RYR2: variants seen among roughly 807,000 people sequenced by gnomAD.
The protein encoded by RYR2 is cardiac muscle ryanodine receptor-calcium release channel.
A neutral mutation model predicts 601.1 loss-of-function variants in RYR2; 227 were observed. The observed-to-expected ratio is 0.38, with a 90% CI of 0.34 to 0.42. The LOEUF is 0.42. RYR2 is among the 10% of genes least tolerant of loss of function. RYR2 has a pLI of 1.00. For missense variants in RYR2, 4,646 were observed against 6,156.5 expected, an observed-to-expected ratio of 0.75 and a Z score of 8.21; for synonymous variants, 2,223 against 2,175.1, an observed-to-expected ratio of 1.02 and a Z score of -0.61.
chr1:237,452,223 ATATATTATGTAG>A (rs1658258522), intron 14 of RYR2, among the ~76,000 whole-genome samples: 1 of 146,652 alleles, frequency 6.8e-6, no homozygotes, highest in South Asian at 2.1e-4. Context: ...GTTATAATGG[ATATATTATGTAG>A]TATATTATAA....
intron 37 of RYR2, among the ~76,000 whole-genome samples, chr1:237,616,919 G>A (rs747459973): frequency 6.6e-6 from 1 of 152,128 alleles, no homozygotes; most frequent in Non-Finnish European, 1.5e-5. Flanking sequence ...AAAACCATCA[G>A]ATCTTGTGAG....
intron 2 of RYR2, among the ~76,000 whole-genome samples, chr1:237,302,300 ATGGCTT>A (rs1693433113): frequency 1.3e-5 from 2 of 152,188 alleles, no homozygotes; most frequent in African/African-American, 2.4e-5. Flanking sequence ...CATCACCTTA[ATGGCTT>A]AACATAAGTC....
chr1:237,266,439 G>A (rs2149331485), intron 1 of RYR2, among the ~76,000 whole-genome samples: 1 of 152,098 alleles, frequency 6.6e-6, no homozygotes, highest in South Asian at 2.1e-4. Context: ...TATTACATAT[G>A]GATAATCATA....
chr1:237,106,800 A>G lies in RYR2; in HGVS notation c.48+64231A>G, dbSNP rs1037526993. 2.6e-5 allele frequency among the ~76,000 whole-genome samples: 4 copies of G among 152,146 alleles called. No homozygotes were observed. Among genetic ancestry groups the G allele is most frequent in the Non-Finnish European group, 5.9e-5 (4 of 68,030 alleles). ...GAAGCCCAAGATCAGAGTGCCAGCA[A>G]TTTGGTGTCTGGTGAAGGCTCGCTT... On this transcript the variant is annotated intron_variant, in intron 1 of 104. Transcript: ENST00000366574. The surrounding 1 kb of genome is among the most constrained non-coding windows in gnomAD (Gnocchi z 4.4).
intron 63 of RYR2, among the ~76,000 whole-genome samples, chr1:237,694,157 G>A (rs1043077449): frequency 6.6e-6 from 1 of 152,006 alleles, no homozygotes; most frequent in African/African-American, 2.4e-5. Flanking sequence ...AGCCGGGCGT[G>A]GTGGCAGGCG....
intron 1 of RYR2, among the ~76,000 whole-genome samples, chr1:237,085,210 G>A (rs1353009156): frequency 6.6e-6 from 1 of 152,150 alleles, no homozygotes; most frequent in Non-Finnish European, 1.5e-5. Flanking sequence ...GGATATTAGG[G>A]TAGTGTTTAC....
chr1:237,797,144 G>A (rs1659352992), intron 96 of RYR2, among the ~76,000 whole-genome samples: 1 of 152,012 alleles, frequency 6.6e-6, no homozygotes, highest in Non-Finnish European at 1.5e-5. Flanking sequence ...GCCAAGAAGA[G>A]CTGTATCCCA....
chr1:237,434,988 C>T (rs1381427654), intron 12 of RYR2, among the ~76,000 whole-genome samples: 1 of 152,136 alleles, frequency 6.6e-6, no homozygotes, highest in Non-Finnish European at 1.5e-5. Flanking sequence ...GTTGCCCAGG[C>T]TGGTCTTGAA....
intron 1 of RYR2, among the ~76,000 whole-genome samples, chr1:237,163,013 T>C (rs1317357907): frequency 6.6e-6 from 1 of 152,192 alleles, no homozygotes; most frequent in Admixed American, 6.5e-5. Flanking sequence ...CAGTGCTATT[T>C]GATATTATAG....
intron 66 of RYR2, among the ~76,000 whole-genome samples, chr1:237,703,612 T>G (rs2797438): frequency 1.4e-5 from 2 of 147,790 alleles, no homozygotes; most frequent in African/African-American, 4.9e-5. Context: ...AACATATATA[T>G]ATATATAAAA....
intron 34 of RYR2, among the ~76,000 whole-genome samples, chr1:237,596,582 C>A (rs1268894268): frequency 6.6e-6 from 1 of 152,100 alleles, no homozygotes; most frequent in Admixed American, 6.5e-5. Context: ...TGGAGAAAGG[C>A]ACAGAAAACG....
At chr1:237,061,248 T>G (rs1662809083) in intron 1 of RYR2, among the ~76,000 whole-genome samples, 1 of 109,042 alleles carries the variant, frequency 9.2e-6, no homozygotes, top group Non-Finnish European at 2.1e-5. Flanking sequence ...TATCTATCTA[T>G]CTATCATCTA....
chr1:237,447,167 A>G (rs992981588), intron 14 of RYR2, among the ~76,000 whole-genome samples: 3 of 152,318 alleles, frequency 2.0e-5, no homozygotes, highest in African/African-American at 7.2e-5. Context: ...CAGAGATACC[A>G]TTTGGTAGGT....
intron 63 of RYR2, among the ~76,000 whole-genome samples, chr1:237,697,639 C>G (rs1687613716): frequency 6.7e-6 from 1 of 149,228 alleles, no homozygotes; most frequent in African/African-American, 2.5e-5. Flanking sequence ...TCTATATCCC[C>G]CTTTAAAATG....
rs1292453420 is a variant in RYR2, at chr1:237,761,038, ACTTACATTAAAAGGATCACCTGTCTC to A, written c.11476+12_11476+37del. The A allele has an allele frequency of 6.6e-7, 1 of 1,512,846 alleles. No individual in the cohort carries two copies. The highest frequency in any genetic ancestry group is 1.4e-5 in the African/African-American group (1 of 72,786). The allele number at this position is 1,512,846 out of a possible 1,614,324, so 93.7% of individuals were successfully genotyped here. ...ACAGAGGAAGGATCAGGTATTAATG[ACTTACATTAAAAGGATCACCTGTCTC>A]CCTTCCCTCCCTGAAACGAGTCAAT... On this transcript the variant is annotated intron_variant, in intron 84 of 104. Transcript: ENST00000366574.
intron 1 of RYR2, among the ~76,000 whole-genome samples, chr1:237,264,693 A>G (rs1440150922): frequency 1.4e-5 from 2 of 141,440 alleles, no homozygotes; most frequent in Non-Finnish European, 3.0e-5. Flanking sequence ...TTTTATTATT[A>G]TTATTATTTT....
intron 14 of RYR2, among the ~76,000 whole-genome samples, chr1:237,450,214 G>A (rs2150191550): frequency 6.6e-6 from 1 of 152,226 alleles, no homozygotes; most frequent in African/African-American, 2.4e-5. Flanking sequence ...TCAGTGTTCT[G>A]CTGAATATTT....
At chr1:237,345,804 TTTAATA>T (rs1209554141) in intron 3 of RYR2, among the ~76,000 whole-genome samples, 9 of 152,180 alleles carry the variant, frequency 5.9e-5, no homozygotes, top group Non-Finnish European at 1.2e-4. Flanking sequence ...TTTAGAAATG[TTTAATA>T]TTAAGATTAG....
At chr1:237,488,248 A>T (rs1488106932) in intron 17 of RYR2, among the ~76,000 whole-genome samples, 1 of 152,216 alleles carries the variant, frequency 6.6e-6, no homozygotes, top group African/African-American at 2.4e-5. Flanking sequence ...TTAGTCAAGT[A>T]GGACTGTTGT....
Sources: allele counts gnomAD v4.1 joint callset (sites outside exome capture counted in the v4.1 genomes callset), GRCh38; gene constraint gnomAD v4.1.1; non-coding constraint Gnocchi (gnomAD v3.1); transcripts MANE v1.5; gene names NCBI Gene and HGNC (gene_info 2026-07-23, HGNC 2026-07-21).